The following PCDH12 variants were observed in gnomAD, a reference collection of about 807,000 sequenced individuals.
The protein encoded by PCDH12 is protocadherin-12.
A neutral mutation model predicts 70.9 loss-of-function variants in PCDH12; 45 were observed. That is an observed-to-expected ratio of 0.63 (90% CI 0.50 to 0.81). The LOEUF (loss-of-function observed/expected upper bound fraction) is 0.81, where lower values mean the gene tolerates loss of function less well. Among genes scored for constraint, PCDH12 ranks in the 40% least tolerant of loss-of-function variants. PCDH12 has a pLI of 0.00. For missense variants in PCDH12, 1,370 were observed against 1,491.7 expected (o/e 0.92, Z 1.34); for synonymous variants, 567 against 626.0 (o/e 0.91, Z 1.41).
chr5:141,950,151 T>C (rs1439919125), intron 2 of PCDH12, among the ~76,000 whole-genome samples: 2 of 152,156 alleles, frequency 1.3e-5, no homozygotes, highest in East Asian at 1.9e-4. Context: ...AGAGCAGACC[T>C]ATGGAGGGTG....
intron 3 of PCDH12, among the ~76,000 whole-genome samples, chr5:141,946,292 A>G (rs1406996947): frequency 1.3e-5 from 2 of 152,162 alleles, no homozygotes; most frequent in Non-Finnish European, 2.9e-5. Flanking sequence ...TTAGGTACTT[A>G]CGTGATGAGC....
chr5:141,955,764 G>A lies in PCDH12; in HGVS notation c.2088C>T (p.Val696=), dbSNP rs1398765487. 1 of 1,614,004 alleles carries A rather than the reference G, an allele frequency of 6.2e-7. No individual in the cohort carries two copies. Among genetic ancestry groups the A allele is most frequent in the Non-Finnish European group, 8.5e-7 (1 of 1,179,956 alleles). ...AGTCCCTCAGGTGGTCCACACTGGT[G>A]ACAAACATGACCCTCAACAGGGCTC... The part of the protein sequence containing the change: ...QTRALLRVMF[V]TSVDHLRDSA... The change falls in exon 1 of 4, where the codon GTC becomes GTT. Residue 696 remains valine (V), a synonymous_variant. Transcript: ENST00000231484. This position sits in a 1 kb window ranked among gnomAD's most constrained non-coding sequence, Gnocchi z 5.5.
rs774451436 is a variant in PCDH12 at position 141,949,601 on chromosome 5, C to T, written c.2979-18G>A. 1.9e-6 allele frequency: 3 copies of T among 1,611,944 alleles called. No homozygotes were observed. Among genetic ancestry groups the T allele is most frequent in the Non-Finnish European group, 2.5e-6 (3 of 1,179,046 alleles). On this transcript the variant is annotated intron_variant, in intron 2 of 3. Transcript: ENST00000231484. ...TTGCACTCCTGCAAAAGAAACCAAC[C>T]AGTCCATGGGTAGGGACATTCCCAT... is the stretch of plus-strand genomic sequence containing the variant.
At chr5:141,954,854 A>G in intron 1 of PCDH12, 118 bp downstream of exon 1, 1 of 1,332,076 alleles carries the variant, frequency 7.5e-7, no homozygotes, top group Non-Finnish European at 1.0e-6. Context: ...AAAGCATCAG[A>G]AAGTGCCAGG....
intron 2 of PCDH12, 113 bp downstream of exon 2, chr5:141,951,380 C>T (rs1596644082): frequency 2.5e-6 from 2 of 784,418 alleles, no homozygotes; most frequent in Admixed American, 2.0e-5. Flanking sequence ...CTGCACCCTC[C>T]CAGGGGACCG....
At chr5:141,949,216 C>T (rs1182661015) in intron 3 of PCDH12, 1 of 597,594 alleles carries the variant, frequency 1.7e-6, no homozygotes, top group Non-Finnish European at 2.1e-6. Context: ...GCCTGGGTGA[C>T]AGAGCAAGAC....
rs1173395121 is a variant in PCDH12 at position 141,949,636 on chromosome 5, T to A, written c.2979-53A>T. The A allele has an allele frequency of 3.8e-6, 6 of 1,577,522 alleles. No individual in the cohort carries two copies. In the African/African-American group the frequency reaches 8.2e-5, roughly 21 times the overall value. On this transcript the variant is annotated intron_variant, in intron 2 of 3. Coordinates refer to ENST00000231484, the MANE Select transcript of PCDH12 (RefSeq NM_016580.4). ...GTAGGGACATTCCCATATAGATTCA[T>A]TCATTCATGCCCATTCATGTTTGCA... is the stretch of plus-strand genomic sequence containing the variant.
At position 141,951,256 on chromosome 5, in the gene PCDH12, T is replaced by C. The variant is rs377418126; in HGVS notation, c.2978+237A>G. 1.1e-4 allele frequency among the ~76,000 whole-genome samples: 17 copies of C among 152,356 alleles called. No homozygotes were observed. The East Asian group carries it at 1.9e-3, about 17-fold the overall frequency. On this transcript the variant is annotated intron_variant, in intron 2 of 3. Transcript: ENST00000231484. The stretch of plus-strand genomic sequence containing the variant: ...ATTTCCTTGGTGACTACTGTATTGA[T>C]GGTATTTATCAATACAGCTAGTTAG...
chr5:141,945,594 G>A lies in PCDH12; in HGVS notation c.3342C>T (p.Ser1114=). 1 of 1,614,192 alleles carries A rather than the reference G, an allele frequency of 6.2e-7. No homozygotes were observed. The highest frequency in any genetic ancestry group is 1.1e-5 in the South Asian group (1 of 91,092). Residue 1114 remains serine, a synonymous_variant, in exon 4 of 4, where the codon AGC becomes AGT. Transcript: ENST00000231484. The part of the protein sequence containing the change: ...RLASTFVSEM[S]SLLEMLLEQR... Reference sequence around the variant, plus strand: ...GTTCCAGCAGCATCTCCAGCAGTGAGCTCATCTCCGAGACAAAGGTGCTGG... The same window carrying A: ...GTTCCAGCAGCATCTCCAGCAGTGAACTCATCTCCGAGACAAAGGTGCTGG...
chr5:141,945,420 G>T lies in PCDH12; in HGVS notation c.3516C>A (p.Gly1172=), dbSNP rs747203199. The part of the protein sequence containing the change: ...GDPGGKTGTE[G]KSRGSSSSSR... ...TGCTGCTGCTGCTGCCTCTGCTCTT[G>T]CCCTCAGTCCCCGTCTTTCCACCTG... is the stretch of plus-strand genomic sequence containing the variant. The change falls in exon 4 of 4, where the codon GGC becomes GGA. Residue 1172 remains glycine, a synonymous_variant. Coordinates refer to ENST00000231484, the MANE Select transcript of PCDH12 (RefSeq NM_016580.4). The T allele has an allele frequency of 6.5e-5, 97 of 1,498,960 alleles. 2 individuals are homozygous for T. In the Middle Eastern group the frequency reaches 8.7e-3, roughly 134 times the overall value. The allele number at this position is 1,498,960 out of a possible 1,614,324, so 92.9% of individuals were successfully genotyped here.
rs573390510 is a variant in PCDH12, at chr5:141,949,535, C to T, written c.3027G>A (p.Gln1009=). ...TDGPSARAGG[Q]TDPEQEEGPL... The stretch of plus-strand genomic sequence containing the variant: ...GCCCTTCCTCCTGTTCTGGGTCTGT[C>T]TGGCCTCCAGCCCTTGCACTTGGGC... Residue 1009 remains glutamine (Q), a synonymous_variant, in exon 3 of 4, where the codon CAG becomes CAA. Transcript: ENST00000231484. The T allele has an allele frequency of 1.9e-6, 3 of 1,614,216 alleles. No homozygotes were observed. In the East Asian group the frequency reaches 6.7e-5, roughly 36 times the overall value.
chr5:141,954,632 C>T (rs1291377117), intron 1 of PCDH12, among the ~76,000 whole-genome samples: 1 of 152,170 alleles, frequency 6.6e-6, no homozygotes, highest in African/African-American at 2.4e-5. Context: ...TAATCACTAC[C>T]TTTGCTGTGT....
rs1362297378 is a variant in PCDH12, at chr5:141,958,015, C to T, written c.-164G>A. ...TAGATGATTATGAAACAAGCAGGAC[C>T]CCAAGGCAAGGCCATCTTCATTGGA... On this transcript the variant is annotated 5_prime_UTR_variant, in exon 1 of 4. Transcript: ENST00000231484. 8.9e-6 allele frequency: 7 copies of T among 782,906 alleles called. No individual in the cohort carries two copies. The African/African-American group carries it at 1.2e-4, about 14-fold the overall frequency. The allele number at this position is 782,906 out of a possible 1,614,324, so 48.5% of individuals were successfully genotyped here. A position where few individuals can be genotyped will look rare whatever the true frequency, so the allele number is the denominator to read the frequency against.
rs1418150093 is a variant in PCDH12 at position 141,955,222 on chromosome 5, G to C, written c.2630C>G (p.Ser877Cys). The change falls in exon 1 of 4, where the codon TCC becomes TGC. Residue 877 changes from serine to cysteine, a missense_variant. Physicochemically the swap from Ser to Cys is moderately radical, Grantham distance 112 (BLOSUM62 -1). Coordinates refer to ENST00000231484, the MANE Select transcript of PCDH12 (RefSeq NM_016580.4). The surrounding 1 kb of genome is among the most constrained non-coding windows in gnomAD (Gnocchi z 5.5). ...EPQPATGQPRSRPLKVAGSPT... is the reference protein window; with the variant it reads ...EPQPATGQPRCRPLKVAGSPT... ...GCTGCCTGCAACCTTCAGAGGCCTG[G>C]AACGTGGCTGGCCTGTGGCAGGCTG... 1 of 1,614,242 alleles carries C rather than the reference G, an allele frequency of 6.2e-7. No individual in the cohort carries two copies. The highest frequency in any genetic ancestry group is 1.1e-5 in the South Asian group (1 of 91,090).
At chr5:141,948,835 A>G (rs1753008268) in intron 3 of PCDH12, among the ~76,000 whole-genome samples, 1 of 152,152 alleles carries the variant, frequency 6.6e-6, no homozygotes, top group Non-Finnish European at 1.5e-5. Context: ...AAATGAGATC[A>G]TGTACATAAG....
Position 141,957,030 on chromosome 5 carries a change from G to T in PCDH12, c.822C>A (p.Gly274=), listed in dbSNP as rs754786805. Residue 274 remains glycine (G), a synonymous_variant, in exon 1 of 4, where the codon GGC becomes GGA. Coordinates refer to ENST00000231484, the MANE Select transcript of PCDH12 (RefSeq NM_016580.4). The surrounding 1 kb of genome is among the most constrained non-coding windows in gnomAD (Gnocchi z 4.3). The part of the protein sequence containing the change: ...IKLTATDPDQ[G]PNGEVEFFLS... ...GGAAGAACTCCACCTCCCCATTGGGGCCTTGGTCAGGGTCTGTGGCGGTCA... is the reference window on the plus strand; with the variant it reads ...GGAAGAACTCCACCTCCCCATTGGGTCCTTGGTCAGGGTCTGTGGCGGTCA... The T allele has an allele frequency of 6.2e-7, 1 of 1,614,180 alleles. No individual in the cohort carries two copies. Among genetic ancestry groups the T allele is most frequent in the Non-Finnish European group, 8.5e-7 (1 of 1,180,028 alleles).
chr5:141,955,665 G>T lies in PCDH12; in HGVS notation c.2187C>A (p.Phe729Leu), dbSNP rs748190222. Residue 729 changes from phenylalanine to leucine, a missense_variant, in exon 1 of 4, where the codon TTC (phenylalanine) becomes TTA (leucine). Phe to Leu is a conservative substitution (Grantham distance 22). Transcript: ENST00000231484. The surrounding 1 kb of genome is among the most constrained non-coding windows in gnomAD (Gnocchi z 5.5). ...VICLAVLLGI[F>L]GLILALFMSI... Reference sequence around the variant, plus strand: ...ACATGAACAAAGCCAGGATCAACCCGAAGATGCCCAACAGTACAGCCAGGC... The same window carrying T: ...ACATGAACAAAGCCAGGATCAACCCTAAGATGCCCAACAGTACAGCCAGGC... 16 of 1,614,138 alleles carry T rather than the reference G, an allele frequency of 9.9e-6. No homozygotes were observed. Among genetic ancestry groups the T allele is most frequent in the Non-Finnish European group, 1.3e-5 (15 of 1,180,028 alleles).
In PCDH12 at chr5:141,955,091, A is replaced by G; in HGVS notation, c.2761T>C (p.Ser921Pro). 1 of 1,614,176 alleles carries G rather than the reference A, an allele frequency of 6.2e-7. No homozygotes were observed. Among genetic ancestry groups the G allele is most frequent in the Non-Finnish European group, 8.5e-7 (1 of 1,180,022 alleles). Residue 921 changes from serine to proline, a missense_variant, in exon 1 of 4, where the codon TCC (serine) becomes CCC (proline). By Grantham distance (74) the Ser-to-Pro change is moderately conservative. Transcript: ENST00000231484. The surrounding 1 kb of genome is among the most constrained non-coding windows in gnomAD (Gnocchi z 5.5). ...CGGGGCCCTGATTCTTTCTCAGGGG[A>G]CACTTTGCCATTGAGATGTCGCTGC... ...RRQRHLNGKV[S>P]PEKESGPRQI...
Position 141,957,811 on chromosome 5 carries a change from G to A in PCDH12, c.41C>T (p.Pro14Leu), listed in dbSNP as rs2126931522. ...LLQLLLGLLG[P>L]GGYLFLLGDC... ...CCCTAAAAGAAATAAGTAGCCACCT[G>A]GCCCCAAAAGCCCCAGCAGAAGTTG... Residue 14 changes from proline (P) to leucine (L), a missense_variant, in exon 1 of 4, where the codon CCA becomes CTA. Pro to Leu is a moderately conservative substitution (Grantham distance 98). Transcript: ENST00000231484. The surrounding 1 kb of genome is among the most constrained non-coding windows in gnomAD (Gnocchi z 4.3). The A allele has an allele frequency of 6.2e-7, 1 of 1,602,482 alleles. No individual in the cohort carries two copies. The highest frequency in any genetic ancestry group is 8.5e-7 in the Non-Finnish European group (1 of 1,179,722).
Sources: allele counts gnomAD v4.1 joint callset (sites outside exome capture counted in the v4.1 genomes callset), GRCh38; gene constraint gnomAD v4.1.1; non-coding constraint Gnocchi (gnomAD v3.1); transcripts MANE v1.5; gene names NCBI Gene and HGNC (gene_info 2026-07-23, HGNC 2026-07-21).